Variants in KDM6A observed in about 807,000 individuals in gnomAD.
KDM6A encodes lysine demethylase 6A, also known as lysine-specific demethylase 6A.
KDM6A carries 11 observed loss-of-function variants against 117.6 expected under a neutral mutation model. That is an observed-to-expected ratio of 0.09 (90% CI 0.06 to 0.15). The LOEUF (loss-of-function observed/expected upper bound fraction) is 0.15, where lower values mean the gene tolerates loss of function less well. Ranked by LOEUF, KDM6A falls within the 10% of genes least tolerant of loss-of-function variation. The probability of loss-of-function intolerance (pLI) is 1.00; values close to 1 mark genes in which losing one functional copy is unlikely to be tolerated. For missense variants in KDM6A, 799 were observed against 1,077.3 expected, an observed-to-expected ratio of 0.74 and a Z score of 3.62; for synonymous variants, 384 against 396.1, an observed-to-expected ratio of 0.97 and a Z score of 0.36.
chrX:45,082,405 G>A (rs945864026), intron 21 of KDM6A, 171 bp from the exon 22 acceptor site: 1 of 441,020 alleles, frequency 2.3e-6, no homozygotes, highest in Non-Finnish European at 3.9e-6. Flanking sequence ...CTGCACTCCA[G>A]CCTGGTCAAC....
chrX:44,979,663 C>G (rs1488437331), intron 4 of KDM6A, among the ~76,000 whole-genome samples: 1 of 110,558 alleles, frequency 9.0e-6, no homozygotes, highest in African/African-American at 3.3e-5. Flanking sequence ...ATCCCAAGAT[C>G]ATAAAATATT....
At chrX:44,990,467 T>G (rs2040508511) in intron 4 of KDM6A, among the ~76,000 whole-genome samples, 1 of 110,071 alleles carries the variant, frequency 9.1e-6, no homozygotes, top group East Asian at 2.8e-4. Context: ...GGAGAATCGC[T>G]TGAACCCTGG....
intron 4 of KDM6A, among the ~76,000 whole-genome samples, chrX:44,984,570 T>C (rs1349695949): frequency 8.9e-6 from 1 of 111,867 alleles, no homozygotes; most frequent in African/African-American, 3.3e-5. Context: ...CTTTAATCCA[T>C]CTTGAATTAA....
chrX:45,033,647 G>A (rs1408012034), intron 6 of KDM6A, among the ~76,000 whole-genome samples: 3 of 110,181 alleles, frequency 2.7e-5, no homozygotes, highest in African/African-American at 9.9e-5. Flanking sequence ...TCTGCCTCCC[G>A]GGTTCAAGGA....
intron 3 of KDM6A, among the ~76,000 whole-genome samples, chrX:44,962,468 A>G (rs1360359517): frequency 8.9e-6 from 1 of 111,918 alleles, no homozygotes; most frequent in African/African-American, 3.3e-5. Flanking sequence ...ACTGGTTAGT[A>G]CTTAGCAAAA....
chrX:45,038,688 G>A (rs887172389), intron 8 of KDM6A, among the ~76,000 whole-genome samples: 2 of 109,756 alleles, frequency 1.8e-5, no homozygotes, highest in Admixed American at 1.9e-4. Flanking sequence ...GTTGATAGGT[G>A]CAGCAAACCA....
At chrX:45,088,871 G>A (rs760802203) in intron 25 of KDM6A, among the ~76,000 whole-genome samples, 4 of 112,600 alleles carry the variant, frequency 3.6e-5, no homozygotes, top group Non-Finnish European at 7.5e-5. Flanking sequence ...GGTAGTAGTG[G>A]TCATGATTAT....
chrX:44,966,075 T>C (rs906138410), intron 3 of KDM6A, among the ~76,000 whole-genome samples: 14 of 111,121 alleles, frequency 1.3e-4, no homozygotes, highest in South Asian at 7.6e-4. Flanking sequence ...CAATAAATCT[T>C]TTAACTTTTA....
At position 45,082,800 on chromosome X, in the gene KDM6A, G is replaced by C. The variant is rs1315029038; in HGVS notation, c.3440+11G>C. The C allele has an allele frequency of 9.1e-7, 1 of 1,102,198 alleles. No homozygotes were observed. Among genetic ancestry groups the C allele is most frequent in the East Asian group, 3.0e-5 (1 of 33,351 alleles). 90.8% of individuals were successfully genotyped at this position (1,102,198 alleles called of 1,213,427 possible). On this transcript the variant is annotated intron_variant, in intron 23 of 29. Transcript: ENST00000611820. ...ATCTGATGACAAAAAGTAAGTCCTT[G>C]TAGTAATATTTCTGTGAACTGATGC...
At chrX:45,038,674 T>TG (rs1398122412) in intron 8 of KDM6A, among the ~76,000 whole-genome samples, 5 of 109,035 alleles carry the variant, frequency 4.6e-5, no homozygotes, top group African/African-American at 1.7e-4. Flanking sequence ...ACCTAGATGA[T>TG]GGGGTTGATA....
intron 5 of KDM6A, among the ~76,000 whole-genome samples, chrX:45,015,605 T>A (rs1347157588): frequency 9.0e-6 from 1 of 111,730 alleles, no homozygotes; most frequent in Non-Finnish European, 1.9e-5. Context: ...TAATGCATGG[T>A]GGTACCATTG....
At chrX:45,020,427 T>C (rs780411727) in intron 5 of KDM6A, among the ~76,000 whole-genome samples, 183 bp from the exon 6 acceptor site, 1 of 111,865 alleles carries the variant, frequency 8.9e-6, no homozygotes, top group East Asian at 2.8e-4. Flanking sequence ...TACGTTTAAT[T>C]ATATAAAAGG....
At chrX:45,054,052 A>G in intron 10 of KDM6A, 97 bp downstream of exon 10, 2 of 890,061 alleles carry the variant, frequency 2.2e-6, no homozygotes, top group Non-Finnish European at 3.3e-6. Context: ...TAACCTGATC[A>G]GTGTATTTTC....
rs745714866 is a variant in KDM6A, at chrX:44,899,004, G to GGTGTGTGTGTGTGTGTGTGT, written c.225+25032_225+25051dup. 7.1e-3 allele frequency among the ~76,000 whole-genome samples: 562 copies of GGTGTGTGTGTGTGTGTGTGT among 79,630 alleles called. 16 individuals are homozygous for GGTGTGTGTGTGTGTGTGTGT. Among genetic ancestry groups the GGTGTGTGTGTGTGTGTGTGT allele is most frequent in the African/African-American group, 0.032 (506 of 15,883 alleles). 69.1% of individuals were successfully genotyped at this position (79,630 alleles called of 115,157 possible). A position where few individuals can be genotyped will look rare whatever the true frequency, so the allele number is the denominator to read the frequency against. On this transcript the variant is annotated intron_variant, in intron 2 of 29. Transcript: ENST00000611820. ...AAACTGCGGAGGGAGGGAGAGGGAG[G>GGTGTGTGTGTGTGTGTGTGT]GTGTGTGTGTGTGTGTGTGTGTGTG...
At chrX:44,941,945 C>A (rs763264962) in intron 2 of KDM6A, among the ~76,000 whole-genome samples, 1 of 110,863 alleles carries the variant, frequency 9.0e-6, no homozygotes, top group African/African-American at 3.3e-5. Flanking sequence ...ATTATTATCA[C>A]ACCTTCATGA....
At chrX:44,961,503 A>T in intron 3 of KDM6A, 111 bp downstream of exon 3, 1 of 506,887 alleles carries the variant, frequency 2.0e-6, no homozygotes, top group East Asian at 3.8e-5. Context: ...TGAGCAAACT[A>T]AACAATGAGG....
At chrX:44,980,288 G>T (rs890261006) in intron 4 of KDM6A, among the ~76,000 whole-genome samples, 4 of 111,265 alleles carry the variant, frequency 3.6e-5, no homozygotes, top group Non-Finnish European at 5.7e-5. Flanking sequence ...GCCACCGCCC[G>T]CATCTGGCCC....
intron 2 of KDM6A, among the ~76,000 whole-genome samples, chrX:44,916,997 G>A (rs965219278): frequency 1.9e-5 from 2 of 105,451 alleles, no homozygotes; most frequent in Non-Finnish European, 3.9e-5. Flanking sequence ...TGCTATTTCT[G>A]TGATGACACG....
chrX:45,040,645 C>T (rs1238194693), intron 8 of KDM6A, among the ~76,000 whole-genome samples: 2 of 89,080 alleles, frequency 2.2e-5, no homozygotes, highest in African/African-American at 4.3e-5. Context: ...ACTTCCCTCC[C>T]GGACGGGGCG....
Sources: allele counts gnomAD v4.1 joint callset (sites outside exome capture counted in the v4.1 genomes callset), GRCh38; gene constraint gnomAD v4.1.1; transcripts MANE v1.5; gene names NCBI Gene and HGNC (gene_info 2026-07-23, HGNC 2026-07-21).